RTN4: variants seen among roughly 807,000 people sequenced by gnomAD.
RTN4 encodes the protein reticulon-4.
RTN4 carries 32 observed loss-of-function variants against 90.4 expected under a neutral mutation model. The ratio of observed to expected loss-of-function variants is 0.35; its 90% CI spans 0.27 to 0.48. The LOEUF (loss-of-function observed/expected upper bound fraction) is 0.48, where lower values mean the gene tolerates loss of function less well. Ranked by LOEUF, RTN4 falls within the 20% of genes least tolerant of loss-of-function variation. The pLI is 0.99. For missense variants in RTN4, 1,706 were observed against 1,430.2 expected, an observed-to-expected ratio of 1.19 and a Z score of -3.11; for synonymous variants, 629 against 552.5, an observed-to-expected ratio of 1.14 and a Z score of -1.94.
chr2:55,072,031 C>T (rs1256451326), intron 2 of RTN4, among the ~76,000 whole-genome samples: 6 of 152,092 alleles, frequency 3.9e-5, no homozygotes, highest in Non-Finnish European at 5.9e-5. Context: ...CTTCCTCCTC[C>T]GCTTCCTGCA....
At chr2:55,007,747 C>T (rs897636874) in intron 3 of RTN4, among the ~76,000 whole-genome samples, 4 of 152,206 alleles carry the variant, frequency 2.6e-5, no homozygotes, top group African/African-American at 9.6e-5. Flanking sequence ...TGATTCTCAT[C>T]TACAGAGAAG....
At chr2:54,978,903 T>C (rs566346571) in intron 5 of RTN4, among the ~76,000 whole-genome samples, 1 of 152,160 alleles carries the variant, frequency 6.6e-6, no homozygotes, top group Non-Finnish European at 1.5e-5. Context: ...TTCCTTATGT[T>C]GAAAAAGTAA....
At position 55,049,887 on chromosome 2, in the gene RTN4, C is replaced by T. The variant is rs1668002568; in HGVS notation, c.414G>A (p.Glu138=). The T allele has an allele frequency of 1.5e-6, 2 of 1,321,562 alleles. No homozygotes were observed. The highest frequency in any genetic ancestry group is 3.1e-5 in the East Asian group (1 of 31,988). 81.9% of individuals were successfully genotyped at this position (1,321,562 alleles called of 1,614,324 possible). A position where few individuals can be genotyped will look rare whatever the true frequency, so the allele number is the denominator to read the frequency against. The change falls in exon 1 of 9, where the codon GAG becomes GAA. Residue 138 remains glutamate, a synonymous_variant. Transcript: ENST00000337526. ...VSPSKLPEDD[E]PPARPPPPPP... is the part of the protein sequence containing the mutation. ...GAGGAGGGGGAGGCCGGGCCGGAGG[C>T]TCGTCGTCCTCAGGGAGCTTGGAGG...
At chr2:55,047,516 A>G (rs1466247669) in intron 1 of RTN4, among the ~76,000 whole-genome samples, 1 of 152,022 alleles carries the variant, frequency 6.6e-6, no homozygotes, top group Non-Finnish European at 1.5e-5. Context: ...CAACATCAAA[A>G]TATTACTAAA....
At chr2:55,083,931 A>C (rs552843363) in intron 1 of RTN4, among the ~76,000 whole-genome samples, 2 of 152,338 alleles carry the variant, frequency 1.3e-5, no homozygotes, top group South Asian at 4.1e-4. Context: ...TTCCTGAAAC[A>C]GAGCTTAATT....
In RTN4 at chr2:55,010,115, G is replaced by C. The variant is rs375619010; in HGVS notation, c.3013+14971C>G. 5 of 1,613,460 alleles carry C rather than the reference G, an allele frequency of 3.1e-6. No homozygotes were observed. In the South Asian group the frequency reaches 5.5e-5, roughly 18 times the overall value. On this transcript the variant is annotated intron_variant, in intron 3 of 8. Transcript: ENST00000337526. Reference sequence around the variant, plus strand: ...TGTCCTTCCAATTTTTCTTCTGACCGTCCATCTCTTGTCACGATCTGCTTT... The same window carrying C: ...TGTCCTTCCAATTTTTCTTCTGACCCTCCATCTCTTGTCACGATCTGCTTT...
Position 54,973,185 on chromosome 2 carries a change from T to C in RTN4, c.3550A>G (p.Ile1184Val), listed in dbSNP as rs201754765. 6.9e-6 allele frequency: 11 copies of C among 1,604,048 alleles called. No individual in the cohort carries two copies. The highest frequency in any genetic ancestry group is 1.7e-4 in the Middle Eastern group (1 of 6,036). The change falls in exon 9 of 9, where the codon ATC becomes GTC. Residue 1184 changes from isoleucine to valine, a missense_variant. Transcript: ENST00000337526. ...KDAMAKIQAK[I>V]PGLKRKAE The stretch of plus-strand genomic sequence containing the variant: ...TCAGCTTTGCGCTTCAATCCAGGGA[T>C]TTTTGCTTGGATTCTGAAAATGAAA...
intron 2 of RTN4, among the ~76,000 whole-genome samples, chr2:55,076,333 C>T (rs1312189761): frequency 6.6e-6 from 1 of 150,818 alleles, no homozygotes; most frequent in East Asian, 1.9e-4. Context: ...TGAAAAAATG[C>T]TCAACATCAC....
intron 2 of RTN4, among the ~76,000 whole-genome samples, chr2:55,057,288 C>T (rs1668206772): frequency 6.6e-6 from 1 of 152,090 alleles, no homozygotes; most frequent in South Asian, 2.1e-4. Context: ...TTTGGAGGAG[C>T]TGAGAAATGA....
intron 3 of RTN4, among the ~76,000 whole-genome samples, chr2:55,021,391 G>GGC (rs1553441353): frequency 1.4e-5 from 2 of 143,334 alleles, no homozygotes; most frequent in African/African-American, 5.0e-5. Context: ...CTTTTTCCCT[G>GGC]CCCCCCCCGC....
the RTN4 span, among the ~76,000 whole-genome samples, chr2:55,119,527 C>G: frequency 1.3e-5 from 2 of 151,826 alleles, no homozygotes; most frequent in East Asian, 3.9e-4. Flanking sequence ...AGTATAAAAG[C>G]CTTATAGTAG....
the RTN4 span, among the ~76,000 whole-genome samples, chr2:55,125,837 G>T: frequency 6.8e-6 from 1 of 146,532 alleles, no homozygotes; most frequent in Non-Finnish European, 1.5e-5. Flanking sequence ...CGAGGTGGGC[G>T]GGTCACCAGG....
At chr2:55,111,699 C>A (rs543391547) in intron 1 of RTN4, among the ~76,000 whole-genome samples, 1 of 152,260 alleles carries the variant, frequency 6.6e-6, no homozygotes, top group African/African-American at 2.4e-5. Context: ...GGAAATTCAA[C>A]GAAATCGAAG....
At chr2:55,095,792 C>A (rs371480583) in intron 1 of RTN4, among the ~76,000 whole-genome samples, 3 of 152,184 alleles carry the variant, frequency 2.0e-5, no homozygotes, top group African/African-American at 7.2e-5. Context: ...CTGTTAGGAT[C>A]CCATCCAGGA....
Position 55,021,543 on chromosome 2 carries a change from G to C in RTN4, c.3013+3543C>G, listed in dbSNP as rs146691316. Reference sequence around the variant, plus strand: ...TCACTATATTGCCCAGGCAGGTCTCGAACTCCTGGGCTCAAGCTATCCTCC... The same window carrying C: ...TCACTATATTGCCCAGGCAGGTCTCCAACTCCTGGGCTCAAGCTATCCTCC... On this transcript the variant is annotated intron_variant, in intron 3 of 8. Transcript: ENST00000337526. Among the ~76,000 whole-genome samples, 74 of 148,912 alleles carry C rather than the reference G, an allele frequency of 5.0e-4. No individual in the cohort carries two copies. The East Asian group carries it at 0.012, about 25-fold the overall frequency.
chr2:55,016,063 A>G lies in RTN4; in HGVS notation c.3013+9023T>C, dbSNP rs1016377701. 3.9e-5 allele frequency among the ~76,000 whole-genome samples: 6 copies of G among 152,304 alleles called. 1 individual carries two copies. The highest frequency in any genetic ancestry group is 3.3e-4 in the Admixed American group (5 of 15,296). The stretch of plus-strand genomic sequence containing the variant: ...ATTTAAATATAAAGAGGTTAATAGC[A>G]TTATTTATCAATAACAAAGGAACAA... On this transcript the variant is annotated intron_variant, in intron 3 of 8. Coordinates refer to ENST00000337526, the MANE Select transcript of RTN4 (RefSeq NM_020532.5).
chr2:55,034,226 C>T (rs1423885092), intron 1 of RTN4, among the ~76,000 whole-genome samples: 6 of 152,114 alleles, frequency 3.9e-5, no homozygotes, highest in Non-Finnish European at 7.3e-5. Flanking sequence ...AATAACCAGG[C>T]ATGGTGGCTC....
chr2:54,999,908 A>G (rs1179625914), intron 3 of RTN4, among the ~76,000 whole-genome samples: 2 of 152,176 alleles, frequency 1.3e-5, no homozygotes, highest in South Asian at 2.1e-4. Flanking sequence ...AGACATTAAG[A>G]GGACCTTAAG....
At chr2:55,106,746 C>G (rs777767365) in intron 1 of RTN4, among the ~76,000 whole-genome samples, 2 of 152,110 alleles carry the variant, frequency 1.3e-5, no homozygotes, top group Non-Finnish European at 2.9e-5. Flanking sequence ...TCTCGAACAC[C>G]TGACCCCAGG....
Sources: gnomAD v4.1 joint callset for allele counts (sites outside exome capture counted in the v4.1 genomes callset) on GRCh38, gnomAD v4.1.1 for gene constraint, MANE v1.5 for transcripts, NCBI Gene and HGNC (gene_info 2026-07-23, HGNC 2026-07-21) for gene names.